The following ASAP1 variants were observed in gnomAD, a reference collection of about 807,000 sequenced individuals.
ASAP1 encodes the protein ArfGAP with SH3 domain, ankyrin repeat and PH domain 1.
Under a neutral mutation model 145.2 loss-of-function variants are expected in ASAP1, and 43 were observed. The ratio of observed to expected loss-of-function variants is 0.30; its 90% CI spans 0.23 to 0.38. The LOEUF (loss-of-function observed/expected upper bound fraction) is 0.38. Ranked by LOEUF, ASAP1 falls within the 10% of genes least tolerant of loss-of-function variation. The pLI is 1.00. For missense variants in ASAP1, 1,018 were observed against 1,355.3 expected, an observed-to-expected ratio of 0.75 and a Z score of 3.91; for synonymous variants, 546 against 515.5, an observed-to-expected ratio of 1.06 and a Z score of -0.80.
At chr8:130,133,431 T>C (rs866864901) in intron 15 of ASAP1, among the ~76,000 whole-genome samples, 61 of 147,220 alleles carry the variant, frequency 4.1e-4, no homozygotes, top group Admixed American at 1.3e-3. Context: ...CCGAGGCGGG[T>C]GGATCATGAG....
At chr8:130,160,486 G>A (rs1000369055) in intron 11 of ASAP1, among the ~76,000 whole-genome samples, 1 of 152,190 alleles carries the variant, frequency 6.6e-6, no homozygotes, top group African/African-American at 2.4e-5. Flanking sequence ...TTAGTGCTCT[G>A]TAAAATATAC....
chr8:130,416,089 C>T (rs1829463475), intron 1 of ASAP1, among the ~76,000 whole-genome samples: 1 of 152,176 alleles, frequency 6.6e-6, no homozygotes, highest in Admixed American at 6.5e-5. Context: ...CTGTTTGTCT[C>T]CCAGGCGCAG....
chr8:130,349,441 TA>T (rs1825872822), intron 3 of ASAP1, among the ~76,000 whole-genome samples: 1 of 152,186 alleles, frequency 6.6e-6, no homozygotes, highest in African/African-American at 2.4e-5. Flanking sequence ...AACAATCATT[TA>T]TAGAGCACTT....
At chr8:130,150,307 G>A (rs988756985) in intron 13 of ASAP1, among the ~76,000 whole-genome samples, 11 of 152,108 alleles carry the variant, frequency 7.2e-5, no homozygotes, top group Admixed American at 3.9e-4. Context: ...ATGTGTTTTG[G>A]CAGGAATAAA....
At chr8:130,209,873 T>C (rs1035238020) in intron 5 of ASAP1, among the ~76,000 whole-genome samples, 2 of 152,178 alleles carry the variant, frequency 1.3e-5, no homozygotes, top group African/African-American at 4.8e-5. Flanking sequence ...TGAAAATGAA[T>C]GAAGTGAGCT....
intron 7 of ASAP1, among the ~76,000 whole-genome samples, chr8:130,182,103 A>C (rs536670458): frequency 6.6e-6 from 1 of 152,366 alleles, no homozygotes. Flanking sequence ...CATAACAGGG[A>C]TTTTAACAGA....
intron 4 of ASAP1, among the ~76,000 whole-genome samples, chr8:130,227,595 TA>T (rs1817659917): frequency 6.6e-6 from 1 of 151,766 alleles, no homozygotes; most frequent in Admixed American, 6.6e-5. Flanking sequence ...TCCGTGTCAG[TA>T]AAACATTTCA....
At chr8:130,058,400 C>A (rs1011152243) in intron 28 of ASAP1, among the ~76,000 whole-genome samples, 1 of 152,206 alleles carries the variant, frequency 6.6e-6, no homozygotes, top group Non-Finnish European at 1.5e-5. Context: ...GCACTCTGTA[C>A]GCACCCCCAA....
chr8:130,187,687 G>A (rs563833314), intron 6 of ASAP1, among the ~76,000 whole-genome samples: 53 of 152,256 alleles, frequency 3.5e-4, no homozygotes, highest in African/African-American at 1.2e-3. Flanking sequence ...CTCCCAAAGT[G>A]CTCAGATTAT....
intron 14 of ASAP1, 111 bp downstream of exon 14, chr8:130,136,840 C>G: frequency 1.1e-6 from 1 of 909,504 alleles, no homozygotes. Flanking sequence ...AATAACTGTT[C>G]CAATGCCAAC....
At position 130,384,940 on chromosome 8, in the gene ASAP1, A is replaced by C. The variant is rs186839081; in HGVS notation, c.59+16945T>G. On this transcript the variant is annotated intron_variant, in intron 2 of 29. Coordinates refer to ENST00000518721, the MANE Select transcript of ASAP1 (RefSeq NM_018482.4). ...AATCTAGTGAGAGAGGCAGAGACTG[A>C]ACATAAATAAAAGCGAGACAGTGTC... is the stretch of plus-strand genomic sequence containing the variant. Among the ~76,000 whole-genome samples, 33 of 152,330 alleles carry C rather than the reference A, an allele frequency of 2.2e-4. No individual in the cohort carries two copies. The East Asian group carries it at 6.0e-3, about 28-fold the overall frequency.
At chr8:130,077,193 C>T (rs949121631) in intron 26 of ASAP1, among the ~76,000 whole-genome samples, 6 of 152,230 alleles carry the variant, frequency 3.9e-5, no homozygotes, top group African/African-American at 1.4e-4. Flanking sequence ...GGTTCTCGGG[C>T]CTCCAGGCTC....
At chr8:130,276,935 G>A (rs1207520734) in intron 3 of ASAP1, among the ~76,000 whole-genome samples, 1 of 152,242 alleles carries the variant, frequency 6.6e-6, no homozygotes, top group East Asian at 1.9e-4. Flanking sequence ...AATGGCAGAC[G>A]ATGGAAGGAC....
chr8:130,139,233 C>A (rs1047795701), intron 13 of ASAP1, among the ~76,000 whole-genome samples: 2 of 152,018 alleles, frequency 1.3e-5, no homozygotes, highest in African/African-American at 4.8e-5. Flanking sequence ...GACTTAATGA[C>A]CATCTTCAAG....
At position 130,344,500 on chromosome 8, in the gene ASAP1, C is replaced by T. The variant is rs76385518; in HGVS notation, c.186+13517G>A. On this transcript the variant is annotated intron_variant, in intron 3 of 29. Transcript: ENST00000518721. ...GAGGCAGAAATGAAAAAAAGATTGG[C>T]CAAAAGCAGACAATTGTTGAAACTG... is the stretch of plus-strand genomic sequence containing the variant. Among the ~76,000 whole-genome samples the T allele has an allele frequency of 2.0e-3, 299 of 152,180 alleles. 6 individuals carry two copies. The East Asian group carries it at 0.036, about 18-fold the overall frequency.
chr8:130,326,088 C>T (rs554954045), intron 3 of ASAP1, among the ~76,000 whole-genome samples: 8 of 152,152 alleles, frequency 5.3e-5, no homozygotes, highest in East Asian at 1.9e-4. Context: ...CCTTAACCAC[C>T]GTCTATAGTT....
Position 130,358,478 on chromosome 8 carries a change from T to C in ASAP1, c.60-335A>G, listed in dbSNP as rs951732219. ...GGAGGGGACGCGGCTGCGCGCGGGG[T>C]CTTCGCGGGGGTCTGGGCTCCGGCC... On this transcript the variant is annotated intron_variant, in intron 2 of 29. Coordinates refer to ENST00000518721, the MANE Select transcript of ASAP1 (RefSeq NM_018482.4). The surrounding 1 kb of genome is among the most constrained non-coding windows in gnomAD (Gnocchi z 4.1). Among the ~76,000 whole-genome samples the C allele has an allele frequency of 6.8e-6, 1 of 147,100 alleles. No individual in the cohort carries two copies. The highest frequency in any genetic ancestry group is 2.5e-5 in the African/African-American group (1 of 40,520).
chr8:130,187,238 C>T lies in ASAP1; in HGVS notation c.528G>A (p.Lys176=), dbSNP rs1814796230. The T allele has an allele frequency of 3.1e-6, 5 of 1,607,226 alleles. No homozygotes were observed. Among genetic ancestry groups the T allele is most frequent in the African/African-American group, 2.7e-5 (2 of 74,376 alleles). ...FDKAWKDYET[K]FTKIEKEKRE... ...ACTCTAAACAAAAAACCACTTACAA[C>T]TTTGTCTCATAATCTTTCCAGGCTT... The change falls in exon 7 of 30, where the codon AAG becomes AAA. Residue 176 remains lysine, a splice_region_variant and synonymous_variant. Coordinates refer to ENST00000518721, the MANE Select transcript of ASAP1 (RefSeq NM_018482.4).
intron 1 of ASAP1, among the ~76,000 whole-genome samples, chr8:130,413,397 C>T (rs1228728072): frequency 6.6e-6 from 1 of 152,198 alleles, no homozygotes; most frequent in Non-Finnish European, 1.5e-5. Flanking sequence ...TTTATGATGA[C>T]CACATTTTCA....
Sources: allele counts gnomAD v4.1 joint callset (sites outside exome capture counted in the v4.1 genomes callset), GRCh38; gene constraint gnomAD v4.1.1; non-coding constraint Gnocchi (gnomAD v3.1); transcripts MANE v1.5; gene names NCBI Gene and HGNC (gene_info 2026-07-23, HGNC 2026-07-21).